The following MTMR3 variants were observed in gnomAD, a reference collection of about 807,000 sequenced individuals.
MTMR3 encodes myotubularin related protein 3.
Under a neutral mutation model 132.4 loss-of-function variants are expected in MTMR3, and 32 were observed. The ratio of observed to expected loss-of-function variants is 0.24; its 90% CI spans 0.18 to 0.32. The LOEUF is 0.32. Among genes scored for constraint, MTMR3 ranks in the 10% least tolerant of loss-of-function variants. MTMR3 has a pLI of 1.00. For missense variants in MTMR3, 1,216 were observed against 1,489.6 expected, an observed-to-expected ratio of 0.82 and a Z score of 3.02; for synonymous variants, 556 against 550.3, an observed-to-expected ratio of 1.01 and a Z score of -0.14.
At chr22:29,910,566 C>T (rs2065191397) in intron 1 of MTMR3, among the ~76,000 whole-genome samples, 1 of 152,056 alleles carries the variant, frequency 6.6e-6, no homozygotes, top group South Asian at 2.1e-4. Context: ...ATTACTGTGG[C>T]GACTATATGA....
At chr22:29,925,570 A>C (rs983802836) in intron 1 of MTMR3, among the ~76,000 whole-genome samples, 4 of 152,084 alleles carry the variant, frequency 2.6e-5, no homozygotes, top group Admixed American at 6.6e-5. Flanking sequence ...AAAAAAAAAA[A>C]AACAGCTTTG....
chr22:29,995,536 A>G (rs1454346264), intron 7 of MTMR3: 1 of 152,218 alleles, frequency 6.6e-6, no homozygotes, highest in Non-Finnish European at 1.5e-5. Flanking sequence ...TTTAAAAAGA[A>G]AGTTTTCATT....
intron 2 of MTMR3, among the ~76,000 whole-genome samples, chr22:29,966,724 T>TGC (rs1250146881): frequency 1.0e-5 from 1 of 95,460 alleles, no homozygotes; most frequent in African/African-American, 5.2e-5. Flanking sequence ...TGTAGGGGTG[T>TGC]GCGTGTGTGT....
intron 1 of MTMR3, among the ~76,000 whole-genome samples, chr22:29,913,573 A>G (rs1276963918): frequency 6.6e-6 from 1 of 152,178 alleles, no homozygotes. Flanking sequence ...TACAGGATAT[A>G]CTATTTTGTG....
chr22:29,983,467 C>T (rs901877408), intron 5 of MTMR3: 2 of 152,196 alleles, frequency 1.3e-5, no homozygotes, highest in Non-Finnish European at 2.9e-5. Flanking sequence ...AGGCGTTAGC[C>T]ACCACACCCT....
intron 8 of MTMR3, chr22:30,002,346 A>T (rs1288515748): frequency 6.5e-6 from 1 of 152,760 alleles, no homozygotes; most frequent in Non-Finnish European, 1.5e-5. Context: ...ACCTATAAGG[A>T]TGACACCCTG....
At chr22:29,898,474 G>T (rs2064944449) in intron 1 of MTMR3, among the ~76,000 whole-genome samples, 1 of 152,088 alleles carries the variant, frequency 6.6e-6, no homozygotes, top group Non-Finnish European at 1.5e-5. Flanking sequence ...GCGATCACTG[G>T]TCACGGCAGT....
At chr22:29,957,689 ACTTG>A (rs1244707021) in intron 2 of MTMR3, among the ~76,000 whole-genome samples, 1 of 152,002 alleles carries the variant, frequency 6.6e-6, no homozygotes, top group Admixed American at 6.6e-5. Flanking sequence ...TTAAATTCAA[ACTTG>A]CTTCTTGTTT....
intron 2 of MTMR3, among the ~76,000 whole-genome samples, chr22:29,965,945 A>G (rs1360368643): frequency 7.3e-6 from 1 of 137,232 alleles, no homozygotes; most frequent in Admixed American, 7.2e-5. Flanking sequence ...CATGAGAGAT[A>G]AAACTTTGAC....
intron 2 of MTMR3, among the ~76,000 whole-genome samples, chr22:29,968,849 A>G (rs1243941351): frequency 6.6e-6 from 1 of 152,234 alleles, no homozygotes; most frequent in Admixed American, 6.5e-5. Context: ...GCCAAATCAC[A>G]AAAGTTTGGC....
In MTMR3 at chr22:30,027,658, G is replaced by A. The variant is rs1288921122; in HGVS notation, c.*1857G>A. The A allele has an allele frequency of 4.6e-5, 7 of 152,636 alleles. No individual in the cohort carries two copies. The highest frequency in any genetic ancestry group is 1.9e-4 in the East Asian group (1 of 5,336). The allele number at this position is 152,636 out of a possible 1,614,324, so 9.5% of individuals were successfully genotyped here. On this transcript the variant is annotated 3_prime_UTR_variant, in exon 20 of 20. Transcript: ENST00000401950. ...TGCAGCTCTTAGCTCTTTTTTGATC[G>A]ATGAAGCACTTTTTTATTAATATTT...
chr22:29,906,972 G>A (rs892451460), intron 1 of MTMR3, among the ~76,000 whole-genome samples: 3 of 151,974 alleles, frequency 2.0e-5, no homozygotes, highest in African/African-American at 7.2e-5. Context: ...CAGCTACTCG[G>A]GAGGCCGAGG....
chr22:30,024,254 G>C (rs1317372061), intron 19 of MTMR3: 1 of 152,200 alleles, frequency 6.6e-6, no homozygotes, highest in Non-Finnish European at 1.5e-5. Flanking sequence ...AGCCAAGATC[G>C]CACCATTGCA....
At chr22:29,935,647 A>G (rs1344613947) in intron 1 of MTMR3, among the ~76,000 whole-genome samples, 1 of 152,178 alleles carries the variant, frequency 6.6e-6, no homozygotes, top group Non-Finnish European at 1.5e-5. Context: ...GAAGGAAAGC[A>G]GGAGATCTAT....
At chr22:29,915,452 C>T (rs753186439) in intron 1 of MTMR3, among the ~76,000 whole-genome samples, 3 of 152,072 alleles carry the variant, frequency 2.0e-5, no homozygotes, top group African/African-American at 4.8e-5. Context: ...GATGGAGTCT[C>T]GCTCTGCCAC....
At chr22:29,931,097 A>G (rs1205617109) in intron 1 of MTMR3, among the ~76,000 whole-genome samples, 1 of 152,084 alleles carries the variant, frequency 6.6e-6, no homozygotes, top group Non-Finnish European at 1.5e-5. Context: ...ATAGTTGAGA[A>G]TTGTTTCTGA....
rs192145227 is a variant in MTMR3, at chr22:29,898,433, G to T, written c.-138+15074G>T. Among the ~76,000 whole-genome samples the T allele has an allele frequency of 2.6e-4, 39 of 152,072 alleles. 1 individual carries two copies. The highest frequency in any genetic ancestry group is 1.3e-3 in the Admixed American group (20 of 15,268). ...TTATAAGTTTTTTGAGACAGGGTAG[G>T]TCTCTGTCCCTCAGGCTGGAGTGCA... On this transcript the variant is annotated intron_variant, in intron 1 of 19. Coordinates refer to ENST00000401950, the MANE Select transcript of MTMR3 (RefSeq NM_021090.4).
chr22:29,949,399 A>G (rs975286902), intron 1 of MTMR3, among the ~76,000 whole-genome samples: 4 of 150,832 alleles, frequency 2.7e-5, no homozygotes, highest in Admixed American at 2.7e-4. Context: ...AGGAGGCTGA[A>G]GCAGGAGAAT....
At position 30,001,394 on chromosome 22, in the gene MTMR3, G is replaced by GA. The variant is rs975801018; in HGVS notation, c.558-1477dup. ...CGACAGAGCGAGACTCCATCTCAAA[G>GA]AAAAAAAAATTAGTTGGGCATGGTG... On this transcript the variant is annotated intron_variant, in intron 8 of 19. Transcript: ENST00000401950. The GA allele has an allele frequency of 7.3e-5, 11 of 151,454 alleles. No individual in the cohort carries two copies. In the East Asian group the frequency reaches 9.7e-4, roughly 13 times the overall value. The allele number at this position is 151,454 out of a possible 1,614,324, so 9.4% of individuals were successfully genotyped here.
Sources: allele counts gnomAD v4.1 joint callset (sites outside exome capture counted in the v4.1 genomes callset), GRCh38; gene constraint gnomAD v4.1.1; transcripts MANE v1.5; gene names NCBI Gene and HGNC (gene_info 2026-07-23, HGNC 2026-07-21).